The following STS variants were observed in gnomAD, a reference collection of about 807,000 sequenced individuals.
STS encodes the protein steryl-sulfatase.
Under a neutral mutation model 26.8 loss-of-function variants are expected in STS, and 7 were observed. That is an observed-to-expected ratio of 0.26 (90% CI 0.15 to 0.49). The LOEUF (loss-of-function observed/expected upper bound fraction) is 0.49. Among genes scored for constraint, STS ranks in the 20% least tolerant of loss-of-function variants. The pLI, the probability that STS is intolerant of heterozygous loss-of-function variation, is 0.98. For synonymous variants in STS, 199 were observed against 189.4 expected (o/e 1.05, Z -0.42); for missense variants, 434 against 465.6 (o/e 0.93, Z 0.63).
chrX:7,247,985 G>A (rs374211396), intron 2 of STS, among the ~76,000 whole-genome samples: 1 of 111,537 alleles, frequency 9.0e-6, no homozygotes, highest in East Asian at 2.8e-4. Flanking sequence ...TTATTCACTC[G>A]CAGGGCCATG....
At chrX:7,329,360 T>C (rs1430205877) in intron 9 of STS, among the ~76,000 whole-genome samples, 1 of 112,123 alleles carries the variant, frequency 8.9e-6, no homozygotes, top group Non-Finnish European at 1.9e-5. Context: ...ATCTTACCCA[T>C]TATGTCAGCG....
At chrX:7,275,054 C>T (rs187322177) in intron 6 of STS, among the ~76,000 whole-genome samples, 88 of 110,060 alleles carry the variant, frequency 8.0e-4, no homozygotes, top group Non-Finnish European at 1.2e-3. Flanking sequence ...ACAAATACTG[C>T]AAGATCTCAC....
intron 6 of STS, among the ~76,000 whole-genome samples, chrX:7,273,976 T>C (rs1192336538): frequency 4.5e-5 from 5 of 110,614 alleles, no homozygotes; most frequent in Non-Finnish European, 9.5e-5. Flanking sequence ...GGAGGTGGCA[T>C]TGGAGATGGC....
intron 1 of STS, among the ~76,000 whole-genome samples, chrX:7,176,362 A>T (rs1933570410): frequency 9.0e-6 from 1 of 111,475 alleles, no homozygotes; most frequent in Admixed American, 9.6e-5. Context: ...AAACCGACTA[A>T]TACTGAGATA....
chrX:7,347,773 C>T (rs1442438281), intron 10 of STS, among the ~76,000 whole-genome samples: 1 of 111,881 alleles, frequency 8.9e-6, no homozygotes, highest in Non-Finnish European at 1.9e-5. Context: ...TCTGTGTACC[C>T]ACTTTCTCTC....
chrX:7,199,164 C>T (rs1227459769), intron 2 of STS, among the ~76,000 whole-genome samples: 2 of 111,371 alleles, frequency 1.8e-5, no homozygotes, highest in African/African-American at 6.5e-5. Context: ...TAGGAGCGAG[C>T]CTGCAATACA....
chrX:7,148,202 G>T (rs1932925847), intron 1 of STS, 119 bp downstream of exon 1: 3 of 571,159 alleles, frequency 5.3e-6, no homozygotes, highest in Non-Finnish European at 7.7e-6. Context: ...ACCTTCTCGC[G>T]CGCCCGGGGT....
intron 1 of STS, among the ~76,000 whole-genome samples, chrX:7,169,125 G>A (rs1413698245): frequency 9.1e-6 from 1 of 110,199 alleles, no homozygotes; most frequent in African/African-American, 3.3e-5. Flanking sequence ...CCCTTTAACA[G>A]CGATTCCACA....
rs202071063 is a variant in STS at position 7,244,075 on chromosome X, AAAG to A, written c.-4-9113_-4-9111del. On this transcript the variant is annotated intron_variant, in intron 2 of 10. Coordinates refer to ENST00000674429, the MANE Select transcript of STS (RefSeq NM_001320752.2). ...CAGAGTGAGACTCTGTCTAAGAAAA[AAAG>A]AAGAAGAGTATGGCTCCCAATGACT... Among the ~76,000 whole-genome samples, 746 of 111,465 alleles carry A rather than the reference AAAG, an allele frequency of 6.7e-3. 6 individuals carry two copies. Among genetic ancestry groups the A allele is most frequent in the African/African-American group, 0.023 (704 of 30,598 alleles).
chrX:7,185,390 TG>T (rs1933753933), intron 1 of STS, among the ~76,000 whole-genome samples: 1 of 113,108 alleles, frequency 8.8e-6, no homozygotes, highest in Non-Finnish European at 1.9e-5. Context: ...TATAAAGGAA[TG>T]GGCATGGTGT....
intron 2 of STS, among the ~76,000 whole-genome samples, chrX:7,221,575 G>A (rs1350266973): frequency 1.8e-5 from 2 of 111,813 alleles, no homozygotes; most frequent in Admixed American, 9.5e-5. Context: ...GGCCAATGTC[G>A]TTCCCAGAGA....
At chrX:7,235,484 T>C (rs1922271800) in intron 2 of STS, among the ~76,000 whole-genome samples, 1 of 112,073 alleles carries the variant, frequency 8.9e-6, no homozygotes, top group South Asian at 3.7e-4. Flanking sequence ...TTGAAAAATA[T>C]TTAGTTAGCC....
intron 6 of STS, among the ~76,000 whole-genome samples, chrX:7,264,482 C>G (rs1923903675): frequency 8.9e-6 from 1 of 112,140 alleles, no homozygotes. Context: ...TGTAGGGTGG[C>G]CTTTGCTAGC....
chrX:7,317,936 G>A (rs1380714871), intron 8 of STS, among the ~76,000 whole-genome samples: 8 of 111,886 alleles, frequency 7.2e-5, no homozygotes, highest in Non-Finnish European at 1.5e-4. Flanking sequence ...AATCTCCATT[G>A]TATATCTTTG....
At position 7,287,102 on chromosome X, in the gene STS, C is replaced by T. The variant is rs1317771400; in HGVS notation, c.943+11015C>T. On this transcript the variant is annotated intron_variant, in intron 7 of 10. Transcript: ENST00000674429. ...TTTATGCTTTTCTTGTGCCTTCCTACGATGTCTGGACAGCTTTCTCTTCAT... is the reference window on the plus strand; with the variant it reads ...TTTATGCTTTTCTTGTGCCTTCCTATGATGTCTGGACAGCTTTCTCTTCAT... 3.6e-5 allele frequency among the ~76,000 whole-genome samples: 4 copies of T among 111,224 alleles called. No individual in the cohort carries two copies. The East Asian group carries it at 8.4e-4, about 23-fold the overall frequency.
At chrX:7,221,684 G>A (rs1220584112) in intron 2 of STS, among the ~76,000 whole-genome samples, 3 of 111,836 alleles carry the variant, frequency 2.7e-5, no homozygotes, top group African/African-American at 9.8e-5. Context: ...GACAAATTTT[G>A]CATTGACTAG....
intron 1 of STS, among the ~76,000 whole-genome samples, chrX:7,176,478 A>G (rs1263065412): frequency 8.9e-6 from 1 of 111,986 alleles, no homozygotes; most frequent in Non-Finnish European, 1.9e-5. Context: ...CCCCATCAGC[A>G]TGTCTTTGTG....
chrX:7,207,946 G>A (rs894619890), intron 2 of STS, among the ~76,000 whole-genome samples: 2 of 111,831 alleles, frequency 1.8e-5, no homozygotes, highest in African/African-American at 6.5e-5. Context: ...GATGATTGTA[G>A]GGGGCAAAAG....
intron 10 of STS, among the ~76,000 whole-genome samples, chrX:7,349,315 CCTTTTTTTTTTTT>C (rs1928673473): frequency 1.7e-3 from 35 of 20,286 alleles, no homozygotes; most frequent in African/African-American, 5.8e-3. Context: ...TCATTTAATT[CCTTTTTTTTTTTT>C]TTTTTTTTTT....
Sources: gnomAD v4.1 joint callset for allele counts (sites outside exome capture counted in the v4.1 genomes callset) on GRCh38, gnomAD v4.1.1 for gene constraint, MANE v1.5 for transcripts, NCBI Gene and HGNC (gene_info 2026-07-23, HGNC 2026-07-21) for gene names.